THOC2: variants seen among roughly 807,000 people sequenced by gnomAD.
THOC2 encodes THO complex subunit 2.
A neutral mutation model predicts 128.4 loss-of-function variants in THOC2; 10 were observed. The observed-to-expected ratio is 0.08, with a 90% CI of 0.05 to 0.13. The LOEUF (loss-of-function observed/expected upper bound fraction) is 0.13. Ranked by LOEUF, THOC2 falls within the 10% of genes least tolerant of loss-of-function variation. The pLI is 1.00. For missense variants in THOC2, 535 were observed against 1,155.7 expected (o/e 0.46, Z 7.79); for synonymous variants, 393 against 396.9 (o/e 0.99, Z 0.12).
intron 12 of THOC2, among the ~76,000 whole-genome samples, chrX:123,656,831 GA>G (rs2048612918): frequency 9.0e-6 from 1 of 111,050 alleles, no homozygotes; most frequent in South Asian, 3.8e-4. Context: ...CCAACAAGGT[GA>G]AACCTCATCT....
At position 123,601,031 on chromosome X, in the gene THOC2, C is replaced by T. The variant is rs1292573660; in HGVS notation, c.*326G>A. Reference sequence around the variant, plus strand: ...TCAGAATGGAAATAAAAACTGAACCCAGGCAATATTTAGTTAATCTAAAGT... The same window carrying T: ...TCAGAATGGAAATAAAAACTGAACCTAGGCAATATTTAGTTAATCTAAAGT... On this transcript the variant is annotated 3_prime_UTR_variant, in exon 39 of 39. Transcript: ENST00000245838. 1 of 112,320 alleles carries T rather than the reference C, an allele frequency of 8.9e-6. No homozygotes were observed. The highest frequency in any genetic ancestry group is 1.9e-5 in the Non-Finnish European group (1 of 53,179). The allele number at this position is 112,320 out of a possible 1,213,427, so 9.3% of individuals were successfully genotyped here.
chrX:123,703,244 A>T (rs1367052420), intron 4 of THOC2, among the ~76,000 whole-genome samples: 1 of 111,992 alleles, frequency 8.9e-6, no homozygotes, highest in African/African-American at 3.2e-5. Flanking sequence ...ACATTGTCAA[A>T]AACTCAAACA....
At position 123,696,631 on chromosome X, in the gene THOC2, A is replaced by C. The variant is rs1327998092; in HGVS notation, c.467+90T>G. 5.4e-6 allele frequency: 5 copies of C among 930,496 alleles called. No homozygotes were observed. The African/African-American group carries it at 1.0e-4, about 19-fold the overall frequency. 76.7% of individuals were successfully genotyped at this position (930,496 alleles called of 1,213,427 possible). A position where few individuals can be genotyped will look rare whatever the true frequency, so the allele number is the denominator to read the frequency against. ...ACCACAAACAAAAAAAACAATCTTCAAAGTCCCCTTAGAAGCTACTAGGAT... is the reference window on the plus strand; with the variant it reads ...ACCACAAACAAAAAAAACAATCTTCCAAGTCCCCTTAGAAGCTACTAGGAT... On this transcript the variant is annotated intron_variant, in intron 6 of 38. Transcript: ENST00000245838.
chrX:123,713,567 G>C (rs1040348213), intron 1 of THOC2, among the ~76,000 whole-genome samples: 4 of 110,706 alleles, frequency 3.6e-5, no homozygotes, highest in Non-Finnish European at 7.6e-5. Flanking sequence ...ACACCATGTA[G>C]GCTGGGCATG....
rs1209082428 is a variant in THOC2 at position 123,633,999 on chromosome X, A to G, written c.2090T>C (p.Met697Thr). 1.7e-6 allele frequency: 2 copies of G among 1,206,168 alleles called. No individual in the cohort carries two copies. Among genetic ancestry groups the G allele is most frequent in the African/African-American group, 3.5e-5 (2 of 57,070 alleles). ...ACCAGTCATAGCCTCTAGTTGCTCC[A>G]TTGTCATTTCCTCTGTAATTTCTAT... Reference protein sequence around the residue: ...AGIEITEEMTMEQLEAMTGGE... With the variant: ...AGIEITEEMTTEQLEAMTGGE... The change falls in exon 20 of 39, where the codon ATG becomes ACG. Residue 697 changes from methionine to threonine, a missense_variant. Physicochemically the swap from Met to Thr is moderately conservative, Grantham distance 81. Coordinates refer to ENST00000245838, the MANE Select transcript of THOC2 (RefSeq NM_001081550.2).
chrX:123,732,821 A>ACC (rs776254728), intron 1 of THOC2, 131 bp downstream of exon 1: 1 of 685,175 alleles, frequency 1.5e-6, no homozygotes, highest in Non-Finnish European at 2.3e-6. Flanking sequence ...CTCCTAGACG[A>ACC]CCATCCACGC....
chrX:123,712,310 A>C (rs2051228160), intron 2 of THOC2, among the ~76,000 whole-genome samples: 1 of 111,998 alleles, frequency 8.9e-6, no homozygotes, highest in Non-Finnish European at 1.9e-5. Context: ...AAATCCTTTG[A>C]AACTAAAGTT....
chrX:123,620,961 T>C lies in THOC2; in HGVS notation c.4221A>G (p.Gln1407=). The C allele has an allele frequency of 8.3e-7, 1 of 1,210,399 alleles. No homozygotes were observed. Among genetic ancestry groups the C allele is most frequent in the Non-Finnish European group, 1.1e-6 (1 of 894,740 alleles). ...RSDIPEPERE[Q]KRRKIDTHPS... is the part of the protein sequence containing the mutation. ...GGTGAGTATCAATTTTGCGGCGTTT[T>C]TGTTCTGTTAAGACAAAAAGAAATA... The change falls in exon 32 of 39, where the codon CAA becomes CAG. Residue 1407 remains glutamine (Q), a synonymous_variant. Coordinates refer to ENST00000245838, the MANE Select transcript of THOC2 (RefSeq NM_001081550.2).
chrX:123,727,596 C>G (rs2148002042), intron 1 of THOC2, among the ~76,000 whole-genome samples: 1 of 112,034 alleles, frequency 8.9e-6, no homozygotes, highest in South Asian at 3.7e-4. Flanking sequence ...ACCATTTTTC[C>G]ACTTTTTAAT....
intron 7 of THOC2, among the ~76,000 whole-genome samples, chrX:123,689,688 G>A (rs1334666320): frequency 9.0e-6 from 1 of 111,719 alleles, no homozygotes; most frequent in Non-Finnish European, 1.9e-5. Context: ...CCAAAGTGCT[G>A]GGATTGCAAG....
intron 1 of THOC2, among the ~76,000 whole-genome samples, chrX:123,730,092 T>C (rs758056405): frequency 3.6e-5 from 4 of 112,301 alleles, no homozygotes; most frequent in Non-Finnish European, 7.5e-5. Context: ...TCAATCCACA[T>C]TCCACAAGTC....
chrX:123,708,189 C>A (rs1206002888), intron 2 of THOC2, among the ~76,000 whole-genome samples: 2 of 111,027 alleles, frequency 1.8e-5, no homozygotes, highest in East Asian at 5.6e-4. Context: ...TACATAAATC[C>A]CCCCTTAATG....
At chrX:123,699,185 C>T (rs2050585815) in intron 4 of THOC2, among the ~76,000 whole-genome samples, 1 of 111,888 alleles carries the variant, frequency 8.9e-6, no homozygotes, top group Admixed American at 9.5e-5. Flanking sequence ...TTAGAATATG[C>T]TATAAAGAGA....
At chrX:123,611,030 T>C (rs1310689297) in intron 37 of THOC2, 67 bp from the exon 38 acceptor site, 5 of 1,054,242 alleles carry the variant, frequency 4.7e-6, no homozygotes, top group Admixed American at 4.6e-5. Flanking sequence ...CCCCTTTTAG[T>C]ACAGCACCTC....
intron 1 of THOC2, among the ~76,000 whole-genome samples, chrX:123,714,294 T>C (rs1240672628): frequency 2.7e-5 from 3 of 112,320 alleles, no homozygotes; most frequent in Non-Finnish European, 5.6e-5. Flanking sequence ...GTATGCTGTC[T>C]ACAAGAAACG....
chrX:123,619,963 T>C (rs1403641532), intron 32 of THOC2: 1 of 110,712 alleles, frequency 9.0e-6, no homozygotes, highest in Non-Finnish European at 1.9e-5. Context: ...ACTTTTTTTT[T>C]CTGCAAAGTG....
intron 3 of THOC2, among the ~76,000 whole-genome samples, chrX:123,703,890 T>TAAAAAAAAA (rs774877149): frequency 0.015 from 548 of 36,982 alleles, 48 homozygotes; most frequent in African/African-American, 0.067. Context: ...ACTCTGTCTT[T>TAAAAAAAAA]AAAAAAAAAA....
intron 18 of THOC2, among the ~76,000 whole-genome samples, chrX:123,637,808 C>A (rs1386711656): frequency 2.7e-5 from 3 of 111,224 alleles, no homozygotes; most frequent in Non-Finnish European, 5.7e-5. Context: ...CCCAGTAATG[C>A]TTACCCAAAT....
intron 12 of THOC2, among the ~76,000 whole-genome samples, chrX:123,663,538 T>TAAA (rs5903644): frequency 5.9e-5 from 6 of 100,896 alleles, no homozygotes; most frequent in East Asian, 3.1e-4. Flanking sequence ...CTGATTTTTT[T>TAAA]AAAAAAAAAA....
Sources: gnomAD v4.1 joint callset for allele counts (sites outside exome capture counted in the v4.1 genomes callset) on GRCh38, gnomAD v4.1.1 for gene constraint, MANE v1.5 for transcripts, NCBI Gene and HGNC (gene_info 2026-07-23, HGNC 2026-07-21) for gene names.